Variants in IGSF23 observed in about 807,000 individuals in gnomAD.
The protein encoded by IGSF23 is immunoglobulin superfamily, member 23.
In IGSF23, 14 loss-of-function variants were observed where a neutral mutation model predicts 17.8. The observed-to-expected ratio is 0.79, with a 90% CI of 0.52 to 1.23. IGSF23 has a LOEUF of 1.23. Among genes scored for constraint, IGSF23 ranks in the 50% most tolerant of loss-of-function variants. The pLI, the probability that IGSF23 is intolerant of heterozygous loss-of-function variation, is 0.00. For synonymous variants in IGSF23, 85 were observed against 92.5 expected, an observed-to-expected ratio of 0.92 and a Z score of 0.46; for missense variants, 214 against 241.7, an observed-to-expected ratio of 0.89 and a Z score of 0.76.
chr19:44,621,797 G>A (rs1972527262), intron 1 of IGSF23, among the ~76,000 whole-genome samples: 1 of 152,124 alleles, frequency 6.6e-6, no homozygotes, highest in Non-Finnish European at 1.5e-5. Flanking sequence ...GCTCTCTGAT[G>A]TTTTCTATAA....
At position 44,627,591 on chromosome 19, in the gene IGSF23, C is replaced by G. The variant is rs1263784971; in HGVS notation, c.545+18C>G. 2 of 1,540,454 alleles carry G rather than the reference C, an allele frequency of 1.3e-6. No individual in the cohort carries two copies. The highest frequency in any genetic ancestry group is 2.7e-5 in the African/African-American group (2 of 72,926). ...AGCCTAAGGTACCTCTATCCCTCAC[C>G]CCCGTCCACTGGGCAACATCCACTC... On this transcript the variant is annotated intron_variant, in intron 3 of 4. Coordinates refer to ENST00000402988, the MANE Select transcript of IGSF23 (RefSeq NM_001205280.2).
chr19:44,628,764 A>G (rs1972707969), intron 3 of IGSF23, among the ~76,000 whole-genome samples: 1 of 152,158 alleles, frequency 6.6e-6, no homozygotes, highest in African/African-American at 2.4e-5. Context: ...AAAAGTAATA[A>G]TAATAAATCT....
chr19:44,623,919 CCA>C lies in IGSF23; in HGVS notation c.341_342del (p.Thr114LysfsTer9). Reference sequence around the variant, plus strand: ...CAGCTGGGCACCTACATGTGCATAGCCACAAACAGCAAGAAACAGCTGGTCTC... The same window carrying C: ...CAGCTGGGCACCTACATGTGCATAGCCAAACAGCAAGAAACAGCTGGTCTC... On this transcript the variant is annotated frameshift_variant, in exon 2 of 5. Coordinates refer to ENST00000402988, the MANE Select transcript of IGSF23 (RefSeq NM_001205280.2). LOFTEE classifies it high-confidence loss of function. 1 of 1,550,758 alleles carries C rather than the reference CCA, an allele frequency of 6.4e-7. No individual in the cohort carries two copies. Among genetic ancestry groups the C allele is most frequent in the African/African-American group, 1.4e-5 (1 of 73,140 alleles).
intron 1 of IGSF23, chr19:44,617,935 G>T: frequency 2.8e-6 from 1 of 362,472 alleles, no homozygotes; most frequent in South Asian, 2.0e-5. Flanking sequence ...ACAGCTCAGA[G>T]AAGTCAGCCT....
At chr19:44,629,553 C>G (rs1053888931) in intron 3 of IGSF23, among the ~76,000 whole-genome samples, 4 of 151,790 alleles carry the variant, frequency 2.6e-5, no homozygotes, top group Non-Finnish European at 4.4e-5. Flanking sequence ...CAGAGCAAGA[C>G]CCTATTTCTA....
At chr19:44,621,232 G>C (rs1385416562) in intron 1 of IGSF23, among the ~76,000 whole-genome samples, 1 of 141,694 alleles carries the variant, frequency 7.1e-6, no homozygotes, top group African/African-American at 2.7e-5. Flanking sequence ...GCAGTGAGCT[G>C]TAACCTTGCC....
chr19:44,613,593 C>A lies in IGSF23; in HGVS notation c.-53C>A, dbSNP rs569040303. On this transcript the variant is annotated 5_prime_UTR_variant, in exon 1 of 5. Coordinates refer to ENST00000402988, the MANE Select transcript of IGSF23 (RefSeq NM_001205280.2). ...TTGCCTTTGATGTGAGTGATAGGAG[C>A]GGGCGATTCTGCTTCTCCCTCCATC... 2.0e-6 allele frequency: 3 copies of A among 1,495,862 alleles called. No homozygotes were observed. Among genetic ancestry groups the A allele is most frequent in the East Asian group, 5.0e-5 (2 of 40,234 alleles). 92.7% of individuals were successfully genotyped at this position (1,495,862 alleles called of 1,614,324 possible). A position where few individuals can be genotyped will look rare whatever the true frequency, so the allele number is the denominator to read the frequency against.
intron 2 of IGSF23, among the ~76,000 whole-genome samples, chr19:44,624,899 CA>C (rs71171273): frequency 0.01 from 878 of 87,716 alleles, 5 homozygotes; most frequent in African/African-American, 0.044. Context: ...CTGTCTCTAC[CA>C]AAAAAAAAAA....
intron 3 of IGSF23, among the ~76,000 whole-genome samples, chr19:44,633,939 TC>T (rs1972826375): frequency 6.6e-6 from 1 of 152,222 alleles, no homozygotes; most frequent in Non-Finnish European, 1.5e-5. Flanking sequence ...AATTTGAATT[TC>T]CTCATTGTAA....
chr19:44,629,778 C>T (rs1181899203), intron 3 of IGSF23, among the ~76,000 whole-genome samples: 1 of 151,616 alleles, frequency 6.6e-6, no homozygotes, highest in Non-Finnish European at 1.5e-5. Flanking sequence ...GGACTACAGG[C>T]GGGCACCACC....
intron 3 of IGSF23, among the ~76,000 whole-genome samples, chr19:44,628,986 G>C (rs1972712089): frequency 6.6e-6 from 1 of 152,150 alleles, no homozygotes; most frequent in Non-Finnish European, 1.5e-5. Flanking sequence ...AAGGCCCTGA[G>C]GCAGGATTGC....
intron 1 of IGSF23, among the ~76,000 whole-genome samples, chr19:44,617,800 G>A (rs1237329274): frequency 6.6e-6 from 1 of 152,134 alleles, no homozygotes; most frequent in Admixed American, 6.5e-5. Context: ...GGCTGGAACA[G>A]AAGGACCCAG....
chr19:44,627,756 A>C (rs1243388776), intron 3 of IGSF23, among the ~76,000 whole-genome samples, 183 bp downstream of exon 3: 1 of 152,170 alleles, frequency 6.6e-6, no homozygotes, highest in African/African-American at 2.4e-5. Flanking sequence ...ACAAAGAGAT[A>C]GAAGAGGACA....
intron 3 of IGSF23, among the ~76,000 whole-genome samples, chr19:44,634,462 T>C (rs1466700775): frequency 6.6e-6 from 1 of 152,236 alleles, no homozygotes; most frequent in Non-Finnish European, 1.5e-5. Context: ...AATATTTCCC[T>C]GTTGATCTGG....
intron 3 of IGSF23, 84 bp from the exon 4 acceptor site, chr19:44,635,317 G>A: frequency 1.8e-6 from 2 of 1,089,584 alleles, no homozygotes; most frequent in East Asian, 5.2e-5. Flanking sequence ...TTAATTTGGG[G>A]AACGGATAAT....
In IGSF23 at chr19:44,636,500, G is replaced by A. The variant is rs182445383; in HGVS notation, c.*113G>A. ...CAAGTCTACAACATCTCTGTTCAAG[G>A]GAACAACCCAACGTAACCAGACTCC... On this transcript the variant is annotated 3_prime_UTR_variant, in exon 5 of 5. Coordinates refer to ENST00000402988, the MANE Select transcript of IGSF23 (RefSeq NM_001205280.2). The A allele has an allele frequency of 1.3e-5, 2 of 152,226 alleles. No individual in the cohort carries two copies. Among genetic ancestry groups the A allele is most frequent in the African/African-American group, 4.8e-5 (2 of 41,510 alleles). 9.4% of individuals were successfully genotyped at this position (152,226 alleles called of 1,614,324 possible). A position where few individuals can be genotyped will look rare whatever the true frequency, so the allele number is the denominator to read the frequency against.
At chr19:44,635,303 C>T in intron 3 of IGSF23, 98 bp from the exon 4 acceptor site, 2 of 931,032 alleles carry the variant, frequency 2.1e-6, no homozygotes, top group Non-Finnish European at 3.3e-6. Flanking sequence ...GTTAGGACTA[C>T]ATATTAATTT....
intron 1 of IGSF23, among the ~76,000 whole-genome samples, chr19:44,619,883 C>T (rs191753400): frequency 6.6e-6 from 1 of 152,268 alleles, no homozygotes; most frequent in East Asian, 1.9e-4. Context: ...GTTAGGGTTT[C>T]AACATATATG....
chr19:44,624,024 C>G (rs1972582584), intron 2 of IGSF23, 52 bp downstream of exon 2: 3 of 1,480,618 alleles, frequency 2.0e-6, no homozygotes, highest in Non-Finnish European at 2.7e-6. Context: ...CCTGCACCCT[C>G]TCCAGCCTGT....
Sources: allele counts gnomAD v4.1 joint callset (sites outside exome capture counted in the v4.1 genomes callset), GRCh38; gene constraint gnomAD v4.1.1; transcripts MANE v1.5; gene names NCBI Gene and HGNC (gene_info 2026-07-23, HGNC 2026-07-21).